Variants in TNFRSF8 observed in about 807,000 individuals in gnomAD.
TNFRSF8 encodes the protein TNF receptor superfamily member 8, also known as tumor necrosis factor receptor superfamily member 8.
A neutral mutation model predicts 70.8 loss-of-function variants in TNFRSF8; 26 were observed. That is an observed-to-expected ratio of 0.37 (90% CI 0.27 to 0.51). TNFRSF8 has a LOEUF of 0.51. TNFRSF8 is among the 20% of genes least tolerant of loss of function. TNFRSF8 has a pLI of 0.94. For synonymous variants in TNFRSF8, 356 were observed against 339.2 expected, an observed-to-expected ratio of 1.05 and a Z score of -0.54; for missense variants, 720 against 807.9, an observed-to-expected ratio of 0.89 and a Z score of 1.32.
intron 1 of TNFRSF8, among the ~76,000 whole-genome samples, chr1:12,065,078 CTTTTTTTTTTT>C (rs773549918): frequency 2.3e-5 from 2 of 88,262 alleles, no homozygotes; most frequent in Non-Finnish European, 4.0e-5. Context: ...CATACCAAAC[CTTTTTTTTTTT>C]TTTTTTTTTT....
rs141348765 is a variant in TNFRSF8, at chr1:12,109,632, C to G, written c.488C>G (p.Pro163Arg). 1 of 1,613,604 alleles carries G rather than the reference C, an allele frequency of 6.2e-7. No homozygotes were observed. Among genetic ancestry groups the G allele is most frequent in the African/African-American group, 1.3e-5 (1 of 74,916 alleles). The change falls in exon 5 of 15, where the codon CCA (proline) becomes CGA (arginine). Residue 163 changes from proline to arginine, a missense_variant. Physicochemically the swap from Pro to Arg is moderately radical, Grantham distance 103. Coordinates refer to ENST00000263932, the MANE Select transcript of TNFRSF8 (RefSeq NM_001243.5). This position sits in a 1 kb window ranked among gnomAD's most constrained non-coding sequence, Gnocchi z 4.4. ...GGGGTCAGCCCTGCCTGTGCCAGCC[C>G]AGAGAACTGCAAGGAACCCTCCAGG... The part of the protein sequence containing the change: ...SPGVSPACAS[P>R]ENCKEPSSGT...
intron 2 of TNFRSF8, among the ~76,000 whole-genome samples, chr1:12,094,289 C>T (rs1260543240): frequency 1.3e-5 from 2 of 152,208 alleles, no homozygotes; most frequent in Non-Finnish European, 1.5e-5. Context: ...GACAGTGATG[C>T]TTTGATCATG....
Position 12,138,384 on chromosome 1 carries a change from C to G in TNFRSF8, c.1491C>G (p.Pro497=). The G allele has an allele frequency of 6.2e-7, 1 of 1,613,632 alleles. No individual in the cohort carries two copies. Among genetic ancestry groups the G allele is most frequent in the Non-Finnish European group, 8.5e-7 (1 of 1,179,834 alleles). Residue 497 remains proline (P), a synonymous_variant, in exon 14 of 15, where the codon CCC becomes CCG. Transcript: ENST00000263932. This position sits in a 1 kb window ranked among gnomAD's most constrained non-coding sequence, Gnocchi z 5.7. The part of the protein sequence containing the change: ...DASPAGGPSS[P]RDLPEPRVST... Reference sequence around the variant, plus strand: ...GCCCGGCCGGGGGCCCCTCGTCCCCCAGGGACCTTCCTGAGCCCCGGGTGT... The same window carrying G: ...GCCCGGCCGGGGGCCCCTCGTCCCCGAGGGACCTTCCTGAGCCCCGGGTGT...
intron 1 of TNFRSF8, among the ~76,000 whole-genome samples, chr1:12,077,237 T>G (rs905132496): frequency 1.3e-5 from 2 of 152,162 alleles, no homozygotes; most frequent in Non-Finnish European, 2.9e-5. Flanking sequence ...TGTCCACACA[T>G]TCTAATCCTT....
intron 8 of TNFRSF8, among the ~76,000 whole-genome samples, 153 bp from the exon 9 acceptor site, chr1:12,123,131 C>A (rs1329760135): frequency 2.0e-5 from 3 of 152,198 alleles, no homozygotes; most frequent in African/African-American, 7.2e-5. Flanking sequence ...GCCTGGCCAG[C>A]TTTTCCACTT....
intron 12 of TNFRSF8, among the ~76,000 whole-genome samples, chr1:12,131,473 A>C (rs1373367913): frequency 3.3e-5 from 5 of 150,698 alleles, no homozygotes; most frequent in Non-Finnish European, 7.4e-5. Context: ...AAACAAACAA[A>C]AAAACATTCT....
At chr1:12,125,150 G>T (rs1641914907) in intron 10 of TNFRSF8, among the ~76,000 whole-genome samples, 2 of 152,212 alleles carry the variant, frequency 1.3e-5, no homozygotes, top group South Asian at 4.1e-4. Context: ...CACTTAACTG[G>T]CATATACTAC....
intron 3 of TNFRSF8, among the ~76,000 whole-genome samples, chr1:12,098,862 A>G (rs1008532884): frequency 7.2e-5 from 11 of 152,212 alleles, no homozygotes; most frequent in African/African-American, 2.4e-4. Flanking sequence ...CCACCTCCTC[A>G]TCCTCTTCCT....
In TNFRSF8 at chr1:12,063,913, A is replaced by G. The variant is rs1362751356; in HGVS notation, c.63+252A>G. ...GGACTGATTCATTCATTCAGTGTGAATTGGACTGAGAGCACTGCCATACGC... is the reference window on the plus strand; with the variant it reads ...GGACTGATTCATTCATTCAGTGTGAGTTGGACTGAGAGCACTGCCATACGC... On this transcript the variant is annotated intron_variant, in intron 1 of 14. Transcript: ENST00000263932. This position sits in a 1 kb window ranked among gnomAD's most constrained non-coding sequence, Gnocchi z 7.2. 6.6e-6 allele frequency among the ~76,000 whole-genome samples: 1 copy of G among 152,174 alleles called. No homozygotes were observed. Among genetic ancestry groups the G allele is most frequent in the East Asian group, 1.9e-4 (1 of 5,186 alleles).
chr1:12,142,814 G>C lies in TNFRSF8; in HGVS notation c.*283G>C. 2 of 409,358 alleles carry C rather than the reference G, an allele frequency of 4.9e-6. No homozygotes were observed. The highest frequency in any genetic ancestry group is 8.9e-6 in the Non-Finnish European group (2 of 225,508). 25.4% of individuals were successfully genotyped at this position (409,358 alleles called of 1,614,324 possible). A position where few individuals can be genotyped will look rare whatever the true frequency, so the allele number is the denominator to read the frequency against. On this transcript the variant is annotated 3_prime_UTR_variant, in exon 15 of 15. Transcript: ENST00000263932. This position sits in a 1 kb window ranked among gnomAD's most constrained non-coding sequence, Gnocchi z 5.0. ...GTGATGTTGGTTGAGGCAGCAAACA[G>C]ATGGCAGGATGGGCACTGCCGAGAA...
chr1:12,082,767 CA>C (rs533395507), intron 1 of TNFRSF8, among the ~76,000 whole-genome samples: 3 of 151,528 alleles, frequency 2.0e-5, no homozygotes, highest in Admixed American at 6.6e-5. Flanking sequence ...TTAAACAGGA[CA>C]AAAAAAGGCA....
chr1:12,094,323 C>A (rs564864775), intron 2 of TNFRSF8, among the ~76,000 whole-genome samples: 238 of 152,236 alleles, frequency 1.6e-3, no homozygotes, highest in Non-Finnish European at 2.6e-3. Flanking sequence ...GTGGGAGTTA[C>A]TAGGGGAGAG....
rs546315744 is a variant in TNFRSF8 at position 12,095,433 on chromosome 1, G to A, written c.152-1668G>A. Among the ~76,000 whole-genome samples, 516 of 151,990 alleles carry A rather than the reference G, an allele frequency of 3.4e-3. 3 individuals carry two copies. Among genetic ancestry groups the A allele is most frequent in the African/African-American group, 0.012 (492 of 41,460 alleles). ...CTCCCCAGTAGCTGGGATTACAGGC[G>A]CCTGCCACGACACCCAGCTAATTTT... On this transcript the variant is annotated intron_variant, in intron 2 of 14. Transcript: ENST00000263932.
Position 12,123,763 on chromosome 1 carries a change from G to A in TNFRSF8, c.1089G>A (p.Thr363=), listed in dbSNP as rs1288037514. 17 of 1,580,022 alleles carry A rather than the reference G, an allele frequency of 1.1e-5. No individual in the cohort carries two copies. Among genetic ancestry groups the A allele is most frequent in the East Asian group, 4.6e-5 (2 of 43,134 alleles). Residue 363 remains threonine, a synonymous_variant, in exon 10 of 15, where the codon ACG becomes ACA. Transcript: ENST00000263932. ...SLLVDSQASK[T]LPIPTSAPVA... ...TGGTGGACTCCCAGGCCAGTAAGAC[G>A]CTGCCCATCCCAACCAGCGCTCCCG...
chr1:12,123,257 T>C (rs538699350), intron 8 of TNFRSF8, 27 bp from the exon 9 acceptor site: 11 of 1,594,686 alleles, frequency 6.9e-6, no homozygotes, highest in Non-Finnish European at 9.4e-6. Flanking sequence ...TTGGCGCTGG[T>C]TCTCAGATGT....
chr1:12,110,117 G>A lies in TNFRSF8; in HGVS notation c.589G>A (p.Gly197Ser), dbSNP rs780878601. Residue 197 changes from glycine to serine, a missense_variant, in exon 6 of 15, where the codon GGC becomes AGC. Coordinates refer to ENST00000263932, the MANE Select transcript of TNFRSF8 (RefSeq NM_001243.5). The surrounding 1 kb of genome is among the most constrained non-coding windows in gnomAD (Gnocchi z 4.0). ...TGCCAGCACCATGCCTGTAAGAGGG[G>A]GCACCCGCCTCGCCCAGGAAGCTGC... ...SSASTMPVRG[G>S]TRLAQEAASK... The A allele has an allele frequency of 6.2e-6, 10 of 1,613,606 alleles. No individual in the cohort carries two copies. Among genetic ancestry groups the A allele is most frequent in the Non-Finnish European group, 6.8e-6 (8 of 1,179,822 alleles).
intron 1 of TNFRSF8, chr1:12,080,260 A>G (rs934344540): frequency 1.1e-4 from 56 of 519,236 alleles, no homozygotes; most frequent in Non-Finnish European, 1.9e-4. Context: ...AGATGATCCC[A>G]GTTTTGTTGG....
rs867462780 is a variant in TNFRSF8 at position 12,142,231 on chromosome 1, T to C, written c.1544-56T>C. Reference sequence around the variant, plus strand: ...CCTCGGCCCTTCTCTGCCTCTTTGCTCCCATCCTGGCTGGTGCTCTGGCCT... The same window carrying C: ...CCTCGGCCCTTCTCTGCCTCTTTGCCCCCATCCTGGCTGGTGCTCTGGCCT... On this transcript the variant is annotated intron_variant, in intron 14 of 14. Transcript: ENST00000263932. This position sits in a 1 kb window ranked among gnomAD's most constrained non-coding sequence, Gnocchi z 5.0. 22 of 1,502,566 alleles carry C rather than the reference T, an allele frequency of 1.5e-5. No individual in the cohort carries two copies. The Middle Eastern group carries it at 3.8e-3, about 263-fold the overall frequency. The allele number at this position is 1,502,566 out of a possible 1,614,324, so 93.1% of individuals were successfully genotyped here.
At position 12,109,522 on chromosome 1, in the gene TNFRSF8, G is replaced by T. The variant is rs761926435; in HGVS notation, c.422-44G>T. On this transcript the variant is annotated intron_variant, in intron 4 of 14. Coordinates refer to ENST00000263932, the MANE Select transcript of TNFRSF8 (RefSeq NM_001243.5). This position sits in a 1 kb window ranked among gnomAD's most constrained non-coding sequence, Gnocchi z 4.4. The stretch of plus-strand genomic sequence containing the variant: ...GAAGGGTGTATTCCGGGAGACTTTG[G>T]GTCCCCAACACTGATTCTGAAGGCA... 1.7e-4 allele frequency: 258 copies of T among 1,536,476 alleles called. No homozygotes were observed. The highest frequency in any genetic ancestry group is 2.2e-4 in the Non-Finnish European group (249 of 1,113,540).
Sources: allele counts gnomAD v4.1 joint callset (sites outside exome capture counted in the v4.1 genomes callset), GRCh38; gene constraint gnomAD v4.1.1; non-coding constraint Gnocchi (gnomAD v3.1); transcripts MANE v1.5; gene names NCBI Gene and HGNC (gene_info 2026-07-23, HGNC 2026-07-21).